The following SH3BGRL2 variants were observed in gnomAD, a reference collection of about 807,000 sequenced individuals.
The protein encoded by SH3BGRL2 is SH3 domain-binding glutamic acid-rich-like protein 2.
A neutral mutation model predicts 14.8 loss-of-function variants in SH3BGRL2; 21 were observed. The observed-to-expected ratio is 1.42, with a 90% CI of 1.01 to 2.05. The LOEUF is 2.05. Ranked by LOEUF, SH3BGRL2 falls within the 30% of genes most tolerant of loss-of-function variation. The pLI is 0.00. For synonymous variants in SH3BGRL2, 50 were observed against 47.8 expected (o/e 1.05, Z -0.19); for missense variants, 147 against 130.8 (o/e 1.12, Z -0.61).
At position 79,647,430 on chromosome 6, in the gene SH3BGRL2, T is replaced by A. The variant is rs979260078; in HGVS notation, c.45+15924T>A. Among the ~76,000 whole-genome samples the A allele has an allele frequency of 2.6e-5, 4 of 152,140 alleles. No individual in the cohort carries two copies. In the South Asian group the frequency reaches 8.3e-4, roughly 32 times the overall value. ...AATTGAGTCTTTAGGGAATATATATTTTGGAAATTAATGGGTTAATCAACT... is the reference window on the plus strand; with the variant it reads ...AATTGAGTCTTTAGGGAATATATATATTGGAAATTAATGGGTTAATCAACT... On this transcript the variant is annotated intron_variant, in intron 1 of 3. Coordinates refer to ENST00000369838, the MANE Select transcript of SH3BGRL2 (RefSeq NM_031469.4).
chr6:79,668,532 C>T (rs192491813), intron 1 of SH3BGRL2, among the ~76,000 whole-genome samples: 1 of 152,184 alleles, frequency 6.6e-6, no homozygotes, highest in East Asian at 1.9e-4. Flanking sequence ...CTTATCCATT[C>T]AGTGGCCAAC....
At chr6:79,559,508 C>T in the SH3BGRL2 span, among the ~76,000 whole-genome samples, 2 of 151,900 alleles carry the variant, frequency 1.3e-5, no homozygotes, top group South Asian at 4.2e-4. Flanking sequence ...TTATAAAAGA[C>T]AAAGAAAAAC....
At chr6:79,597,319 GAAAAGAAAAGAAAAGAA>G in the SH3BGRL2 span, among the ~76,000 whole-genome samples, 1 of 142,230 alleles carries the variant, frequency 7.0e-6, no homozygotes, top group African/African-American at 2.7e-5. Flanking sequence ...GAAAGAAAGA[GAAAAGAAAAGAAAAGAA>G]AAAAGAAAAG....
intron 1 of SH3BGRL2, among the ~76,000 whole-genome samples, chr6:79,651,142 A>C (rs377591155): frequency 6.6e-6 from 1 of 152,294 alleles, no homozygotes; most frequent in African/African-American, 2.4e-5. Context: ...ATCTACGCAC[A>C]TTGATAAGGA....
chr6:79,538,880 T>C, the SH3BGRL2 span, among the ~76,000 whole-genome samples: 9 of 152,206 alleles, frequency 5.9e-5, no homozygotes, highest in Non-Finnish European at 1.3e-4. Flanking sequence ...AGAAAGCAGA[T>C]TCAGAGAAGT....
chr6:79,582,939 G>GA, the SH3BGRL2 span, among the ~76,000 whole-genome samples: 1 of 151,682 alleles, frequency 6.6e-6, no homozygotes, highest in South Asian at 2.1e-4. Context: ...AAATTTACAA[G>GA]AAAAAAAATA....
At chr6:79,675,410 C>T (rs1017439414) in intron 2 of SH3BGRL2, among the ~76,000 whole-genome samples, 5 of 152,270 alleles carry the variant, frequency 3.3e-5, no homozygotes, top group African/African-American at 9.6e-5. Context: ...TATATACATT[C>T]ACCACATCTT....
chr6:79,617,441 C>G, the SH3BGRL2 span, among the ~76,000 whole-genome samples: 1 of 152,026 alleles, frequency 6.6e-6, no homozygotes, highest in Non-Finnish European at 1.5e-5. Flanking sequence ...ACAATCACTC[C>G]CTATTTATAC....
the SH3BGRL2 span, among the ~76,000 whole-genome samples, chr6:79,541,065 C>T: frequency 6.6e-6 from 1 of 151,990 alleles, no homozygotes; most frequent in Non-Finnish European, 1.5e-5. Context: ...CCAGTCTGGC[C>T]AACATGGTGA....
intron 1 of SH3BGRL2, among the ~76,000 whole-genome samples, chr6:79,660,229 G>A (rs1001545063): frequency 1.3e-5 from 2 of 152,138 alleles, no homozygotes; most frequent in African/African-American, 4.8e-5. Flanking sequence ...GTTTTCAAAG[G>A]GAATGCTTCT....
At chr6:79,629,676 C>T (rs1386252058), upstream of SH3BGRL2, among the ~76,000 whole-genome samples, 1 of 152,208 alleles carries the variant, frequency 6.6e-6, no homozygotes, top group African/African-American at 2.4e-5. Flanking sequence ...AAATTCTACT[C>T]ATCTTTAAAG....
chr6:79,682,044 C>T (rs142144776), intron 2 of SH3BGRL2, among the ~76,000 whole-genome samples: 2 of 152,074 alleles, frequency 1.3e-5, no homozygotes, highest in African/African-American at 4.8e-5. Flanking sequence ...TAAGTGCCCA[C>T]ACACAAACAT....
At chr6:79,633,447 A>G (rs1016080851) in intron 1 of SH3BGRL2, among the ~76,000 whole-genome samples, 90 of 152,284 alleles carry the variant, frequency 5.9e-4, no homozygotes, top group African/African-American at 2.0e-3. Context: ...ACCTATTAGT[A>G]TAATACCTAT....
chr6:79,686,023 C>T (rs977488574), intron 2 of SH3BGRL2, among the ~76,000 whole-genome samples: 2 of 152,144 alleles, frequency 1.3e-5, no homozygotes, highest in African/African-American at 4.8e-5. Context: ...CTTAATTGAT[C>T]ATTTTGTTTA....
chr6:79,673,495 A>T, intron 1 of SH3BGRL2, 119 bp from the exon 2 acceptor site: 2 of 956,644 alleles, frequency 2.1e-6, no homozygotes, highest in African/African-American at 1.7e-5. Flanking sequence ...ACAGTGCATG[A>T]CACCTACATA....
the SH3BGRL2 span, among the ~76,000 whole-genome samples, chr6:79,613,280 A>G: frequency 6.6e-6 from 1 of 152,238 alleles, no homozygotes; most frequent in African/African-American, 2.4e-5. Context: ...AACCTGCATC[A>G]AAATCCAACT....
At chr6:79,547,047 A>G in the SH3BGRL2 span, among the ~76,000 whole-genome samples, 1 of 151,950 alleles carries the variant, frequency 6.6e-6, no homozygotes, top group African/African-American at 2.4e-5. Context: ...TTCTTGGGAG[A>G]GTTTCCCGTT....
chr6:79,651,844 G>A (rs1769303485), intron 1 of SH3BGRL2, among the ~76,000 whole-genome samples: 1 of 152,152 alleles, frequency 6.6e-6, no homozygotes, highest in South Asian at 2.1e-4. Context: ...ATTCTGGAGG[G>A]CAGTGGTTAG....
At chr6:79,643,244 C>G (rs1263672146) in intron 1 of SH3BGRL2, among the ~76,000 whole-genome samples, 1 of 152,118 alleles carries the variant, frequency 6.6e-6, no homozygotes, top group South Asian at 2.1e-4. Flanking sequence ...GATTCAAACC[C>G]TTTTCTTCTG....
Sources: allele counts gnomAD v4.1 joint callset (sites outside exome capture counted in the v4.1 genomes callset), GRCh38; gene constraint gnomAD v4.1.1; transcripts MANE v1.5; gene names NCBI Gene and HGNC (gene_info 2026-07-23, HGNC 2026-07-21).